The following MDGA2 variants were observed in gnomAD, a reference collection of about 807,000 sequenced individuals.
MDGA2 encodes MAM domain containing glycosylphosphatidylinositol anchor 2, also known as MAM domain-containing glycosylphosphatidylinositol anchor protein 2.
In MDGA2, 40 loss-of-function variants were observed where a neutral mutation model predicts 117.8. The observed-to-expected ratio is 0.34, with a 90% CI of 0.26 to 0.44. MDGA2 has a LOEUF of 0.44. Among genes scored for constraint, MDGA2 ranks in the 20% least tolerant of loss-of-function variants. The pLI, the probability that MDGA2 is intolerant of heterozygous loss-of-function variation, is 1.00. For missense variants in MDGA2, 1,123 were observed against 1,250.6 expected, an observed-to-expected ratio of 0.90 and a Z score of 1.54; for synonymous variants, 452 against 439.0, an observed-to-expected ratio of 1.03 and a Z score of -0.37.
chr14:47,114,233 T>C (rs1372772826), intron 5 of MDGA2, among the ~76,000 whole-genome samples: 2 of 152,154 alleles, frequency 1.3e-5, no homozygotes, highest in Non-Finnish European at 2.9e-5. Context: ...TAACGACCTC[T>C]TCAAGGAGAA....
chr14:47,159,999 T>C (rs1883564922), intron 3 of MDGA2, among the ~76,000 whole-genome samples: 1 of 152,212 alleles, frequency 6.6e-6, no homozygotes, highest in African/African-American at 2.4e-5. Context: ...TTCCCCTAGA[T>C]TGCAGATGAA....
intron 1 of MDGA2, among the ~76,000 whole-genome samples, chr14:47,431,538 G>A (rs1257674509): frequency 2.0e-5 from 3 of 151,966 alleles, no homozygotes; most frequent in Non-Finnish European, 4.4e-5. Flanking sequence ...GATGGAAAAA[G>A]CAGAACACTT....
intron 6 of MDGA2, among the ~76,000 whole-genome samples, chr14:47,091,256 G>A (rs1228717547): frequency 6.6e-6 from 1 of 152,046 alleles, no homozygotes; most frequent in Non-Finnish European, 1.5e-5. Context: ...CTAAACACAT[G>A]TTTATTGAGC....
At chr14:47,293,691 T>C (rs746044616) in intron 2 of MDGA2, among the ~76,000 whole-genome samples, 1 of 152,196 alleles carries the variant, frequency 6.6e-6, no homozygotes, top group Non-Finnish European at 1.5e-5. Context: ...AGATAGTATC[T>C]GGAATGAATG....
chr14:47,085,083 G>A (rs1476419768), intron 6 of MDGA2, among the ~76,000 whole-genome samples: 1 of 151,886 alleles, frequency 6.6e-6, no homozygotes, highest in African/African-American at 2.4e-5. Flanking sequence ...AAATCACAGT[G>A]AAAATAAGAA....
intron 1 of MDGA2, among the ~76,000 whole-genome samples, chr14:47,336,933 T>C (rs1056827390): frequency 2.0e-5 from 3 of 152,144 alleles, no homozygotes; most frequent in East Asian, 3.9e-4. Context: ...TTAATAATTA[T>C]CTGTTGAATG....
intron 10 of MDGA2, among the ~76,000 whole-genome samples, chr14:46,908,433 T>C (rs925281800): frequency 1.3e-5 from 2 of 152,144 alleles, no homozygotes; most frequent in African/African-American, 4.8e-5. Flanking sequence ...TTTAAAATAA[T>C]TATTTAAGTA....
intron 1 of MDGA2, among the ~76,000 whole-genome samples, chr14:47,546,796 TA>T: frequency 6.6e-6 from 1 of 152,174 alleles, no homozygotes; most frequent in Non-Finnish European, 1.5e-5. Flanking sequence ...TTGGTCTCTC[TA>T]GCTCCTGGGT....
intron 1 of MDGA2, among the ~76,000 whole-genome samples, chr14:47,596,584 G>A (rs901461381): frequency 6.6e-6 from 1 of 152,106 alleles, no homozygotes; most frequent in Non-Finnish European, 1.5e-5. Flanking sequence ...ATCCTTGGCT[G>A]TCCTGAAGGG....
chr14:47,390,331 T>G (rs1891865400), intron 1 of MDGA2, among the ~76,000 whole-genome samples: 1 of 152,136 alleles, frequency 6.6e-6, no homozygotes, highest in Non-Finnish European at 1.5e-5. Flanking sequence ...GGAAGTAACT[T>G]TTTGAAATGG....
intron 7 of MDGA2, among the ~76,000 whole-genome samples, chr14:47,043,629 C>T (rs924696164): frequency 6.6e-6 from 1 of 152,028 alleles, no homozygotes; most frequent in Admixed American, 6.6e-5. Context: ...TCAATATCTA[C>T]AGTAGTTTCC....
chr14:47,472,119 A>G (rs1893740583), intron 1 of MDGA2, among the ~76,000 whole-genome samples: 2 of 152,172 alleles, frequency 1.3e-5, no homozygotes. Context: ...AGTATACGCA[A>G]TCCACTACCC....
In MDGA2 at chr14:47,426,443, T is replaced by G. The variant is rs1892690826; in HGVS notation, c.281-124893A>C. Reference sequence around the variant, plus strand: ...TTCTTTAAAGCACGTTCTTACTTTTTTGACACCACAAGATGATCTGGGTAT... The same window carrying G: ...TTCTTTAAAGCACGTTCTTACTTTTGTGACACCACAAGATGATCTGGGTAT... On this transcript the variant is annotated intron_variant, in intron 1 of 16. Transcript: ENST00000399232. Among the ~76,000 whole-genome samples, 3 of 151,962 alleles carry G rather than the reference T, an allele frequency of 2.0e-5. No individual in the cohort carries two copies. In the South Asian group the frequency reaches 6.2e-4, roughly 31 times the overall value.
At chr14:46,920,636 A>G (rs1445021012) in intron 9 of MDGA2, among the ~76,000 whole-genome samples, 1 of 152,226 alleles carries the variant, frequency 6.6e-6, no homozygotes, top group Non-Finnish European at 1.5e-5. Context: ...GTGAGTAGAT[A>G]GAGAAGGTGA....
chr14:47,157,595 ATGTGTGTGTGTGTGTGTG>A (rs55697311), intron 3 of MDGA2, among the ~76,000 whole-genome samples: 9 of 144,536 alleles, frequency 6.2e-5, no homozygotes, highest in South Asian at 2.3e-4. Context: ...ATGTACATAT[ATGTGTGTGTGTGTGTGTG>A]TGTGTGTGTG....
chr14:47,536,622 G>C (rs915518783), intron 1 of MDGA2, among the ~76,000 whole-genome samples: 1 of 152,176 alleles, frequency 6.6e-6, no homozygotes, highest in Non-Finnish European at 1.5e-5. Context: ...AGAAATAATT[G>C]GGAGTTTGTA....
intron 1 of MDGA2, among the ~76,000 whole-genome samples, chr14:47,434,737 T>G (rs562851709): frequency 6.6e-6 from 1 of 152,148 alleles, no homozygotes; most frequent in Non-Finnish European, 1.5e-5. Flanking sequence ...CTAGTTTTAT[T>G]TAGTTATAGT....
intron 1 of MDGA2, among the ~76,000 whole-genome samples, chr14:47,617,050 C>T (rs1027985624): frequency 6.6e-6 from 1 of 152,112 alleles, no homozygotes; most frequent in South Asian, 2.1e-4. Flanking sequence ...TTTAGAGCAC[C>T]ACTGTTGGTA....
chr14:47,511,307 T>C (rs955201379), intron 1 of MDGA2, among the ~76,000 whole-genome samples: 1 of 152,200 alleles, frequency 6.6e-6, no homozygotes, highest in Admixed American at 6.5e-5. Flanking sequence ...GCATTAAATA[T>C]GTTTATAGAA....
Sources: gnomAD v4.1 joint callset for allele counts (sites outside exome capture counted in the v4.1 genomes callset) on GRCh38, gnomAD v4.1.1 for gene constraint, MANE v1.5 for transcripts, NCBI Gene and HGNC (gene_info 2026-07-23, HGNC 2026-07-21) for gene names.